Variants in PTER observed in about 807,000 individuals in gnomAD.
The protein encoded by PTER is phosphotriesterase related.
In PTER, 38 loss-of-function variants were observed where a neutral mutation model predicts 29.6. The observed-to-expected ratio is 1.28, with a 90% CI of 0.99 to 1.68. PTER has a LOEUF of 1.68. Among genes scored for constraint, PTER ranks in the 40% most tolerant of loss-of-function variants. The pLI, the probability that PTER is intolerant of heterozygous loss-of-function variation, is 0.00. For synonymous variants in PTER, 172 were observed against 154.5 expected (o/e 1.11, Z -0.84); for missense variants, 482 against 427.8 (o/e 1.13, Z -1.12).
Position 16,484,415 on chromosome 10 carries a change from G to A in PTER, c.31G>A (p.Val11Ile), listed in dbSNP as rs146692031. 7.2e-5 allele frequency: 116 copies of A among 1,607,536 alleles called. No homozygotes were observed. The Middle Eastern group carries it at 1.2e-3, about 16-fold the overall frequency. Residue 11 changes from valine to isoleucine, a missense_variant, in exon 2 of 5, where the codon GTT (valine) becomes ATT (isoleucine). By Grantham distance (29) the Val-to-Ile change is conservative. Coordinates refer to ENST00000535784, the MANE Select transcript of PTER (RefSeq NM_001261836.2). Reference protein sequence around the residue: MSSLSGKVQTVLGLVEPSKLG... With the variant: MSSLSGKVQTILGLVEPSKLG... ...TTCCTTAAGTGGAAAAGTCCAAACC[G>A]TTTTGGGCCTTGTAGAGCCAAGCAA... is the stretch of plus-strand genomic sequence containing the variant.
At chr10:16,494,281 A>T (rs1353157200) in intron 3 of PTER, among the ~76,000 whole-genome samples, 1 of 152,280 alleles carries the variant, frequency 6.6e-6, no homozygotes, top group East Asian at 1.9e-4. Flanking sequence ...GGTTTAGTCT[A>T]ATTTAAACAA....
intron 1 of PTER, among the ~76,000 whole-genome samples, chr10:16,457,196 TTTTGTTTGTTTGTTTG>T (rs140911123): frequency 2.6e-5 from 4 of 151,412 alleles, no homozygotes; most frequent in African/African-American, 9.7e-5. Flanking sequence ...CCTTTAGTTG[TTTTGTTTGTTTGTTTG>T]TTTGTTTGTT....
At chr10:16,496,423 A>G (rs117353404) in intron 3 of PTER, among the ~76,000 whole-genome samples, 6 of 152,260 alleles carry the variant, frequency 3.9e-5, no homozygotes, top group Non-Finnish European at 7.4e-5. Flanking sequence ...CACACTGACC[A>G]TGTCTTTGAG....
At chr10:16,468,046 G>A (rs1398374604) in intron 1 of PTER, among the ~76,000 whole-genome samples, 3 of 152,030 alleles carry the variant, frequency 2.0e-5, no homozygotes, top group Non-Finnish European at 2.9e-5. Flanking sequence ...ATTAAATAAA[G>A]ATTCCAAGAA....
At chr10:16,469,084 A>G (rs943731243) in intron 1 of PTER, among the ~76,000 whole-genome samples, 18 of 152,194 alleles carry the variant, frequency 1.2e-4, no homozygotes, top group Non-Finnish European at 2.1e-4. Context: ...TGCTTGAGCA[A>G]CAAGGAGGAA....
downstream of PTER, chr10:16,514,618 T>C (rs1489788199): frequency 6.2e-7 from 1 of 1,613,778 alleles, no homozygotes; most frequent in Non-Finnish European, 8.5e-7. Context: ...TGATATAGAC[T>C]TCATCTCCCG....
At chr10:16,463,314 T>C (rs971581112) in intron 1 of PTER, among the ~76,000 whole-genome samples, 4 of 151,944 alleles carry the variant, frequency 2.6e-5, no homozygotes, top group Non-Finnish European at 5.9e-5. Flanking sequence ...TAATTAAAGC[T>C]AAGAGATTAT....
chr10:16,509,502 T>C (rs1301216768), intron 4 of PTER, among the ~76,000 whole-genome samples: 1 of 152,212 alleles, frequency 6.6e-6, no homozygotes, highest in African/African-American at 2.4e-5. Flanking sequence ...ATAAGAAACA[T>C]AGGCAAAAAT....
At chr10:16,518,800 G>C in the PTER span, among the ~76,000 whole-genome samples, 1 of 152,082 alleles carries the variant, frequency 6.6e-6, no homozygotes, top group East Asian at 1.9e-4. Context: ...TGAGTCAGAA[G>C]AGAGCCAATT....
intron 1 of PTER, among the ~76,000 whole-genome samples, chr10:16,470,202 T>G (rs1834994694): frequency 6.6e-6 from 1 of 152,150 alleles, no homozygotes; most frequent in Non-Finnish European, 1.5e-5. Context: ...CCTCATAGAA[T>G]ATCAAGCCAG....
chr10:16,480,032 A>T (rs542679437), intron 1 of PTER, among the ~76,000 whole-genome samples: 1 of 135,746 alleles, frequency 7.4e-6, no homozygotes, highest in African/African-American at 2.6e-5. Flanking sequence ...AATCACGGTC[A>T]TGGCAAAGAC....
At chr10:16,496,745 T>C (rs1408331726) in intron 3 of PTER, among the ~76,000 whole-genome samples, 2 of 152,178 alleles carry the variant, frequency 1.3e-5, no homozygotes, top group African/African-American at 2.4e-5. Context: ...TTATTTGTGT[T>C]TGCTTTCCCA....
chr10:16,457,856 G>T (rs1834469948), intron 1 of PTER, among the ~76,000 whole-genome samples: 1 of 152,064 alleles, frequency 6.6e-6, no homozygotes, highest in African/African-American at 2.4e-5. Flanking sequence ...TGATCTACCT[G>T]CCTTGGCCTC....
chr10:16,443,778 C>T (rs906600031), intron 1 of PTER, among the ~76,000 whole-genome samples: 3 of 152,132 alleles, frequency 2.0e-5, no homozygotes, highest in African/African-American at 7.2e-5. Flanking sequence ...AATTTCCTCT[C>T]CGAATCAGAA....
chr10:16,496,801 T>C (rs1039335506), intron 3 of PTER, among the ~76,000 whole-genome samples: 28 of 152,204 alleles, frequency 1.8e-4, no homozygotes, highest in Non-Finnish European at 3.4e-4. Context: ...TCTTGTTAAA[T>C]GGAATGATGG....
intron 1 of PTER, among the ~76,000 whole-genome samples, chr10:16,473,474 C>T (rs1027708879): frequency 2.2e-4 from 29 of 133,060 alleles, no homozygotes; most frequent in Non-Finnish European, 4.6e-5. Flanking sequence ...GAGCCGAAAT[C>T]GCACCACTGC....
intron 3 of PTER, among the ~76,000 whole-genome samples, chr10:16,493,196 C>G (rs1458363942): frequency 6.6e-6 from 1 of 152,080 alleles, no homozygotes; most frequent in African/African-American, 2.4e-5. Context: ...ATTTGGTTTC[C>G]TTGGAACTTA....
At chr10:16,438,497 C>G (rs1414129651) in intron 1 of PTER, among the ~76,000 whole-genome samples, 1 of 149,032 alleles carries the variant, frequency 6.7e-6, no homozygotes, top group African/African-American at 2.5e-5. Flanking sequence ...TTGGTAGAGA[C>G]GGGGTTTTGC....
At position 16,484,811 on chromosome 10, in the gene PTER, G is replaced by C. The variant is rs375273813; in HGVS notation, c.427G>C (p.Glu143Gln). 4.6e-5 allele frequency: 73 copies of C among 1,591,494 alleles called. No individual in the cohort carries two copies. In the Middle Eastern group the frequency reaches 6.8e-4, roughly 15 times the overall value. Residue 143 changes from glutamate to glutamine, a missense_variant, in exon 2 of 5, where the codon GAG becomes CAG. By Grantham distance (29) the Glu-to-Gln change is conservative. Transcript: ENST00000535784. ...HSSETRAMSV[E>Q]QLTDVLMNEI... ...CTCAGAGACCAGGGCCATGTCAGTG[G>C]AGCAGGTAAAAAGCCTAAGTTCTTT... is the stretch of plus-strand genomic sequence containing the variant.
Sources: gnomAD v4.1 joint callset for allele counts (sites outside exome capture counted in the v4.1 genomes callset) on GRCh38, gnomAD v4.1.1 for gene constraint, MANE v1.5 for transcripts, NCBI Gene and HGNC (gene_info 2026-07-23, HGNC 2026-07-21) for gene names.